The following CHN1 variants were observed in gnomAD, a reference collection of about 807,000 sequenced individuals.
The protein encoded by CHN1 is N-chimaerin.
A neutral mutation model predicts 59.5 loss-of-function variants in CHN1; 37 were observed. That is an observed-to-expected ratio of 0.62 (90% CI 0.48 to 0.82). CHN1 has a LOEUF of 0.82. Among genes scored for constraint, CHN1 ranks in the 40% least tolerant of loss-of-function variants. The pLI is 0.00. For synonymous variants in CHN1, 206 were observed against 200.4 expected, an observed-to-expected ratio of 1.03 and a Z score of -0.24; for missense variants, 469 against 571.0, an observed-to-expected ratio of 0.82 and a Z score of 1.82.
intron 3 of CHN1, among the ~76,000 whole-genome samples, chr2:174,941,879 T>A (rs1416208269): frequency 6.6e-6 from 1 of 152,174 alleles, no homozygotes; most frequent in African/African-American, 2.4e-5. Context: ...CAGAATAATA[T>A]GTTTAAAAGT....
At chr2:174,954,612 T>A (rs1241517098) in intron 1 of CHN1, among the ~76,000 whole-genome samples, 1 of 151,564 alleles carries the variant, frequency 6.6e-6, no homozygotes, top group Non-Finnish European at 1.5e-5. Context: ...AAACAAGCAA[T>A]CCCATCAAAA....
At chr2:174,804,814 A>G (rs1008485326) in intron 11 of CHN1, among the ~76,000 whole-genome samples, 2 of 152,262 alleles carry the variant, frequency 1.3e-5, no homozygotes, top group Non-Finnish European at 2.9e-5. Context: ...TCAGGCATTC[A>G]AATGAACATG....
At chr2:174,828,441 A>G (rs1034338653) in intron 7 of CHN1, among the ~76,000 whole-genome samples, 1 of 152,218 alleles carries the variant, frequency 6.6e-6, no homozygotes, top group African/African-American at 2.4e-5. Context: ...TGTTTACGTC[A>G]CATACTTTGC....
intron 1 of CHN1, among the ~76,000 whole-genome samples, chr2:174,987,009 T>A (rs572403640): frequency 1.3e-5 from 2 of 152,256 alleles, no homozygotes; most frequent in Non-Finnish European, 2.9e-5. Flanking sequence ...GTGCTGGGAT[T>A]ACAGGCATGA....
At chr2:174,833,213 C>T (rs2105414199) in intron 7 of CHN1, among the ~76,000 whole-genome samples, 1 of 152,234 alleles carries the variant, frequency 6.6e-6, no homozygotes, top group Middle Eastern at 3.4e-3. Context: ...CTATTTCACC[C>T]TCACCTCAGT....
rs145812949 is a variant in CHN1, at chr2:174,934,022, C to A, written c.114+10866G>T. On this transcript the variant is annotated intron_variant, in intron 3 of 12. Transcript: ENST00000409900. ...AGGTATCAGAACAGTGGTCCCCAAC[C>A]TTTTTGGCACCAGGGACCAGTTTCG... Among the ~76,000 whole-genome samples the A allele has an allele frequency of 4.1e-3, 627 of 152,176 alleles. 1 individual carries two copies. The highest frequency in any genetic ancestry group is 6.1e-3 in the Non-Finnish European group (413 of 68,004).
intron 5 of CHN1, among the ~76,000 whole-genome samples, chr2:174,901,079 T>C (rs1366224083): frequency 6.6e-6 from 1 of 152,226 alleles, no homozygotes; most frequent in African/African-American, 2.4e-5. Flanking sequence ...AACTTTCTTG[T>C]GTGCATCCAC....
chr2:174,888,181 C>T (rs984184426), intron 5 of CHN1, among the ~76,000 whole-genome samples: 2 of 152,136 alleles, frequency 1.3e-5, no homozygotes, highest in Non-Finnish European at 1.5e-5. Flanking sequence ...GTCATAAATA[C>T]ATTTTTTCTT....
At chr2:174,823,225 T>C (rs1054566625) in intron 8 of CHN1, among the ~76,000 whole-genome samples, 1 of 152,260 alleles carries the variant, frequency 6.6e-6, no homozygotes, top group Non-Finnish European at 1.5e-5. Context: ...TTACTTAGTA[T>C]ATTTTTTAGT....
At chr2:174,943,461 G>A (rs765882161) in intron 3 of CHN1, among the ~76,000 whole-genome samples, 5 of 151,646 alleles carry the variant, frequency 3.3e-5, no homozygotes, top group South Asian at 2.1e-4. Flanking sequence ...TCTTGACCTC[G>A]TGATCTGCCT....
intron 5 of CHN1, among the ~76,000 whole-genome samples, 167 bp from the exon 6 acceptor site, chr2:174,878,295 A>G (rs1687636366): frequency 6.6e-6 from 1 of 152,240 alleles, no homozygotes. Flanking sequence ...ATATAAAATT[A>G]AACCTTTGAA....
At chr2:174,882,689 C>T (rs1400062854) in intron 5 of CHN1, among the ~76,000 whole-genome samples, 1 of 152,156 alleles carries the variant, frequency 6.6e-6, no homozygotes, top group African/African-American at 2.4e-5. Context: ...CAGCAACCAA[C>T]ATACAAAAAC....
At chr2:174,821,788 A>C (rs1251747841) in intron 8 of CHN1, 1 of 440,076 alleles carries the variant, frequency 2.3e-6, no homozygotes, top group Non-Finnish European at 4.6e-6. Context: ...AACTGTGAGA[A>C]ATAAATTTCT....
At chr2:174,992,248 G>A (rs781372325) in intron 1 of CHN1, among the ~76,000 whole-genome samples, 7 of 152,228 alleles carry the variant, frequency 4.6e-5, no homozygotes, top group African/African-American at 7.2e-5. Context: ...AACATGTGGC[G>A]TCTGAAGTGT....
chr2:174,962,891 C>T (rs527720327), intron 1 of CHN1, among the ~76,000 whole-genome samples: 3 of 152,278 alleles, frequency 2.0e-5, no homozygotes, highest in South Asian at 2.1e-4. Context: ...GCCTGGGCAA[C>T]AGAGCGAGAC....
At chr2:174,961,677 AT>A (rs529003108) in intron 1 of CHN1, among the ~76,000 whole-genome samples, 1 of 152,226 alleles carries the variant, frequency 6.6e-6, no homozygotes, top group South Asian at 2.1e-4. Context: ...TTTATGAAAA[AT>A]AACCATATTT....
Position 174,871,232 on chromosome 2 carries a change from A to G in CHN1, c.549+6608T>C, listed in dbSNP as rs929671491. 7.0e-5 allele frequency among the ~76,000 whole-genome samples: 6 copies of G among 85,908 alleles called. No individual in the cohort carries two copies. In the Admixed American group the frequency reaches 9.6e-4, roughly 14 times the overall value. 56.4% of individuals were successfully genotyped at this position (85,908 alleles called of 152,430 possible). ...AGAGGAGCATCTAGCCACCACCCTC[A>G]CGAACTATTTCATGTCACAAAAGAC... On this transcript the variant is annotated intron_variant, in intron 6 of 12. Coordinates refer to ENST00000409900, the MANE Select transcript of CHN1 (RefSeq NM_001822.7).
At chr2:174,866,312 A>T (rs1170085412) in intron 6 of CHN1, among the ~76,000 whole-genome samples, 1 of 152,236 alleles carries the variant, frequency 6.6e-6, no homozygotes, top group Non-Finnish European at 1.5e-5. Flanking sequence ...AAGATCCATT[A>T]CTGTTTAAGT....
At chr2:174,940,532 T>C (rs939361838) in intron 3 of CHN1, among the ~76,000 whole-genome samples, 7 of 147,454 alleles carry the variant, frequency 4.7e-5, no homozygotes, top group Non-Finnish European at 8.8e-5. Flanking sequence ...ATCCCACCAC[T>C]GTTTTTTTTT....
Sources: allele counts gnomAD v4.1 joint callset (sites outside exome capture counted in the v4.1 genomes callset), GRCh38; gene constraint gnomAD v4.1.1; transcripts MANE v1.5; gene names NCBI Gene and HGNC (gene_info 2026-07-23, HGNC 2026-07-21).